CHD2: variants seen among roughly 807,000 people sequenced by gnomAD.
The protein encoded by CHD2 is ATP-dependent chromatin remodeler CHD2.
CHD2 carries 28 observed loss-of-function variants against 243.9 expected under a neutral mutation model. The observed-to-expected ratio is 0.11, with a 90% CI of 0.09 to 0.16. The LOEUF is 0.16. Ranked by LOEUF, CHD2 falls within the 10% of genes least tolerant of loss-of-function variation. The pLI, the probability that CHD2 is intolerant of heterozygous loss-of-function variation, is 1.00. For synonymous variants in CHD2, 775 were observed against 779.0 expected (o/e 0.99, Z 0.09); for missense variants, 1,386 against 2,209.8 (o/e 0.63, Z 7.47).
chr15:92,943,593 T>C (rs1004676457), intron 9 of CHD2: 4 of 161,640 alleles, frequency 2.5e-5, no homozygotes, highest in African/African-American at 9.6e-5. Flanking sequence ...TTAGGTTAAC[T>C]ACTGAAACTG....
intron 28 of CHD2, among the ~76,000 whole-genome samples, chr15:92,996,104 G>T (rs1269103350): frequency 6.6e-6 from 1 of 151,530 alleles, no homozygotes; most frequent in Non-Finnish European, 1.5e-5. Context: ...TTTGGTTGGG[G>T]CTTCATTTTT....
intron 2 of CHD2, among the ~76,000 whole-genome samples, chr15:92,914,276 G>C (rs1392279332): frequency 1.3e-5 from 2 of 152,138 alleles, no homozygotes; most frequent in African/African-American, 4.8e-5. Flanking sequence ...TTCACAGCTT[G>C]GTTATTTACA....
At chr15:92,918,792 A>G (rs1450975476) in intron 2 of CHD2, among the ~76,000 whole-genome samples, 1 of 151,666 alleles carries the variant, frequency 6.6e-6, no homozygotes, top group Non-Finnish European at 1.5e-5. Context: ...ATACACATGT[A>G]CGCTATATAT....
intron 16 of CHD2, among the ~76,000 whole-genome samples, chr15:92,960,238 A>G (rs991966059): frequency 9.2e-5 from 14 of 152,106 alleles, no homozygotes; most frequent in Non-Finnish European, 1.8e-4. Flanking sequence ...ATGTGTGTGT[A>G]TATTGTTCTG....
intron 2 of CHD2, chr15:92,901,526 C>A: frequency 1.8e-6 from 1 of 565,218 alleles, no homozygotes; most frequent in South Asian, 2.5e-5. Flanking sequence ...TTACAGCAGT[C>A]AAAAGGTAAG....
rs1193064957 is a variant in CHD2 at position 92,900,756 on chromosome 15, A to G, written c.-140A>G. The G allele has an allele frequency of 1.3e-5, 5 of 395,668 alleles. No individual in the cohort carries two copies. In the East Asian group the frequency reaches 1.8e-4, roughly 14 times the overall value. 24.5% of individuals were successfully genotyped at this position (395,668 alleles called of 1,614,324 possible). A position where few individuals can be genotyped will look rare whatever the true frequency, so the allele number is the denominator to read the frequency against. ...ACGGAGGATTTTGCCTTTATTTTTA[A>G]TTATTTGGGATCTGATATTTTTCTA... On this transcript the variant is annotated 5_prime_UTR_variant, in exon 1 of 39. Coordinates refer to ENST00000394196, the MANE Select transcript of CHD2 (RefSeq NM_001271.4).
chr15:93,000,432 TAAA>T, intron 31 of CHD2, 77 bp from the exon 32 acceptor site: 1 of 1,382,634 alleles, frequency 7.2e-7, no homozygotes, highest in Non-Finnish European at 9.8e-7. Flanking sequence ...GCTACTGCTT[TAAA>T]GAGTCATCAT....
At chr15:93,000,009 A>G (rs1440243833) in intron 31 of CHD2, among the ~76,000 whole-genome samples, 4 of 152,230 alleles carry the variant, frequency 2.6e-5, no homozygotes, top group Non-Finnish European at 4.4e-5. Flanking sequence ...CTGTAATCCC[A>G]GCACTTTGGG....
chr15:92,948,154 C>T, intron 12 of CHD2, among the ~76,000 whole-genome samples: 1 of 152,116 alleles, frequency 6.6e-6, no homozygotes, highest in East Asian at 1.9e-4. Flanking sequence ...GGGGTGAAAA[C>T]AACCTTCCCT....
chr15:92,924,108 G>A (rs2053012846), intron 2 of CHD2, among the ~76,000 whole-genome samples: 1 of 152,150 alleles, frequency 6.6e-6, no homozygotes, highest in Non-Finnish European at 1.5e-5. Context: ...GTAGCATCAT[G>A]TAAACATTCA....
chr15:92,984,353 A>G lies in CHD2; in HGVS notation c.3090A>G (p.Glu1030=), dbSNP rs1392854832. The G allele has an allele frequency of 5.0e-6, 8 of 1,585,872 alleles. No homozygotes were observed. Among genetic ancestry groups the G allele is most frequent in the South Asian group, 1.2e-5 (1 of 85,350 alleles). The change falls in exon 25 of 39, where the codon GAA becomes GAG. Residue 1030 remains glutamate (E), a synonymous_variant. Transcript: ENST00000394196. The part of the protein sequence containing the change: ...QFKVANFATM[E]DEEELEERPH... Reference sequence around the variant, plus strand: ...AGGTTGCCAACTTTGCAACAATGGAAGATGAAGAAGAGCTAGAAGAGCGTC... The same window carrying G: ...AGGTTGCCAACTTTGCAACAATGGAGGATGAAGAAGAGCTAGAAGAGCGTC...
intron 2 of CHD2, among the ~76,000 whole-genome samples, chr15:92,918,880 CAG>C (rs2052897789): frequency 6.6e-6 from 1 of 151,642 alleles, no homozygotes; most frequent in African/African-American, 2.4e-5. Flanking sequence ...TTTTTTGAGA[CAG>C]AGTTTTGCTG....
intron 10 of CHD2, chr15:92,944,804 A>AAG (rs2053435467): frequency 1.1e-5 from 2 of 185,616 alleles, no homozygotes; most frequent in Non-Finnish European, 2.2e-5. Context: ...AGTGGAGACC[A>AAG]AGAGCTTAGT....
At chr15:92,935,892 A>G (rs1210250486) in intron 5 of CHD2, among the ~76,000 whole-genome samples, 1 of 150,874 alleles carries the variant, frequency 6.6e-6, no homozygotes, top group Admixed American at 6.6e-5. Context: ...AAGCACCCCT[A>G]CCCGTCTGAC....
chr15:92,940,778 A>G (rs1456992413), intron 7 of CHD2, among the ~76,000 whole-genome samples: 1 of 142,202 alleles, frequency 7.0e-6, no homozygotes, highest in Non-Finnish European at 1.5e-5. Context: ...TATATAAAAA[A>G]TATAAAAAAT....
intron 2 of CHD2, among the ~76,000 whole-genome samples, chr15:92,911,343 T>A (rs2052730945): frequency 6.6e-6 from 1 of 152,100 alleles, no homozygotes; most frequent in African/African-American, 2.4e-5. Flanking sequence ...GAAAATTGAG[T>A]CACAAGGAGA....
chr15:93,009,220 G>A lies in CHD2; in HGVS notation c.4489G>A (p.Glu1497Lys). Residue 1497 changes from glutamate (E) to lysine (K), a missense_variant, in exon 35 of 39, where the codon GAA (glutamate) becomes AAA (lysine). By Grantham distance (56) the Glu-to-Lys change is moderately conservative (BLOSUM62 1). Around this residue, in one of 19 missense-constraint regions of CHD2, gnomAD observed 42 missense variants for 47.6 expected, o/e 0.88. Coordinates refer to ENST00000394196, the MANE Select transcript of CHD2 (RefSeq NM_001271.4). The stretch of plus-strand genomic sequence containing the variant: ...ACCTGACAAGGGGCTCAACGTGCAA[G>A]AACAGCTGGAACACACCCGGAACTG... ...DKPDKGLNVQ[E>K]QLEHTRNCLL... is the part of the protein sequence containing the mutation. 2 of 1,614,226 alleles carry A rather than the reference G, an allele frequency of 1.2e-6. No homozygotes were observed. Among genetic ancestry groups the A allele is most frequent in the Non-Finnish European group, 1.7e-6 (2 of 1,180,036 alleles).
chr15:92,998,941 G>A lies in CHD2; in HGVS notation c.4008+320G>A, dbSNP rs373308212. 7.2e-5 allele frequency among the ~76,000 whole-genome samples: 11 copies of A among 151,910 alleles called. No homozygotes were observed. The highest frequency in any genetic ancestry group is 6.8e-3 in the Middle Eastern group (2 of 294). ...TACTAAAAATACAAAAAAATTAGCC[G>A]GGCGTGGTGGCACACGCCTGTAATC... On this transcript the variant is annotated intron_variant, in intron 31 of 38. Transcript: ENST00000394196. This position sits in a 1 kb window ranked among gnomAD's most constrained non-coding sequence, Gnocchi z 5.1.
intron 16 of CHD2, among the ~76,000 whole-genome samples, chr15:92,962,567 T>C (rs75994454): frequency 0.065 from 9,910 of 152,222 alleles, 456 homozygotes; most frequent in South Asian, 0.12. Flanking sequence ...TTAGTATGCT[T>C]TCTTTCCTGG....
Sources: allele counts gnomAD v4.1 joint callset (sites outside exome capture counted in the v4.1 genomes callset), GRCh38; gene constraint gnomAD v4.1.1; regional missense constraint gnomAD v4.1.1; non-coding constraint Gnocchi (gnomAD v3.1); transcripts MANE v1.5; gene names NCBI Gene and HGNC (gene_info 2026-07-23, HGNC 2026-07-21).